CACNA1C: variants seen among roughly 807,000 people sequenced by gnomAD.
CACNA1C encodes calcium voltage-gated channel subunit alpha1 C.
In CACNA1C, 30 loss-of-function variants were observed where a neutral mutation model predicts 229.0. The ratio of observed to expected loss-of-function variants is 0.13; its 90% CI spans 0.10 to 0.18. The LOEUF is 0.18. Ranked by LOEUF, CACNA1C falls within the 10% of genes least tolerant of loss-of-function variation. The probability of loss-of-function intolerance (pLI) is 1.00; values close to 1 mark genes in which losing one functional copy is unlikely to be tolerated. For synonymous variants in CACNA1C, 1,114 were observed against 1,132.5 expected, an observed-to-expected ratio of 0.98 and a Z score of 0.33; for missense variants, 1,658 against 2,845.0, an observed-to-expected ratio of 0.58 and a Z score of 9.49.
At chr12:2,036,622 C>T (rs56088348) in intron 1 of CACNA1C, among the ~76,000 whole-genome samples, 129 of 152,216 alleles carry the variant, frequency 8.5e-4, no homozygotes, top group African/African-American at 2.9e-3. Context: ...TGCGCCACCA[C>T]GCCCGGCTAA....
chr12:2,298,366 T>A (rs1288597259), intron 3 of CACNA1C, among the ~76,000 whole-genome samples: 1 of 151,988 alleles, frequency 6.6e-6, no homozygotes, highest in East Asian at 1.9e-4. Context: ...TGGCACAATC[T>A]CGGCTCACCG....
intron 1 of CACNA1C, among the ~76,000 whole-genome samples, chr12:2,002,514 G>T (rs1302124977): frequency 6.6e-6 from 1 of 152,204 alleles, no homozygotes; most frequent in African/African-American, 2.4e-5. Flanking sequence ...TGACACATCT[G>T]CTTTTTGATG....
intron 1 of CACNA1C, among the ~76,000 whole-genome samples, chr12:1,988,460 G>A (rs893584895): frequency 6.6e-6 from 1 of 152,212 alleles, no homozygotes; most frequent in Admixed American, 6.5e-5. Context: ...CCATTCTGCA[G>A]GGTGGGTCAA....
At chr12:2,645,197 A>C (rs1359326802) in intron 30 of CACNA1C, among the ~76,000 whole-genome samples, 3 of 152,216 alleles carry the variant, frequency 2.0e-5, no homozygotes, top group African/African-American at 7.2e-5. Context: ...AGGTTATGTA[A>C]GCAGCTCTGT....
At chr12:2,480,742 T>A (rs1453500010) in intron 5 of CACNA1C, among the ~76,000 whole-genome samples, 1 of 152,244 alleles carries the variant, frequency 6.6e-6, no homozygotes, top group African/African-American at 2.4e-5. Context: ...TGTCTTCTGA[T>A]GAATTCTGTC....
At chr12:2,177,598 T>C (rs1177415883) in intron 3 of CACNA1C, among the ~76,000 whole-genome samples, 864 of 84,000 alleles carry the variant, frequency 0.01, 21 homozygotes, top group Admixed American at 0.05. Context: ...CCTTCCTTCC[T>C]TCCTTCCTTC....
chr12:2,119,047 C>T (rs533410748), intron 2 of CACNA1C, among the ~76,000 whole-genome samples: 1 of 152,354 alleles, frequency 6.6e-6, no homozygotes, highest in Admixed American at 6.5e-5. Context: ...CTTAACACGT[C>T]AGAAGGCCGT....
intron 9 of CACNA1C, among the ~76,000 whole-genome samples, chr12:2,548,041 G>C (rs2099884989): frequency 6.6e-6 from 1 of 152,156 alleles, no homozygotes; most frequent in Non-Finnish European, 1.5e-5. Context: ...GATGTCTGGA[G>C]GGTAGAGAGC....
chr12:2,553,226 G>A (rs1278177175), intron 10 of CACNA1C, among the ~76,000 whole-genome samples: 1 of 152,202 alleles, frequency 6.6e-6, no homozygotes, highest in Admixed American at 6.5e-5. Flanking sequence ...CTCTGCAGAG[G>A]CTGGGGTGGG....
chr12:1,993,749 A>T (rs559893600), intron 1 of CACNA1C, among the ~76,000 whole-genome samples: 1 of 152,300 alleles, frequency 6.6e-6, no homozygotes, highest in African/African-American at 2.4e-5. Flanking sequence ...TTTAAAGAAT[A>T]CTTTTTAAAA....
rs189694864 is a variant in CACNA1C at position 2,214,007 on chromosome 12, G to A, written c.477+93577G>A. ...GAGGAGATTTGTGGCTGGAACTGGC[G>A]CTCACATTGGGGAGGGAAGACCTGC... On this transcript the variant is annotated intron_variant, in intron 3 of 46. Coordinates refer to ENST00000399655, the MANE Select transcript of CACNA1C (RefSeq NM_000719.7). Among the ~76,000 whole-genome samples the A allele has an allele frequency of 2.5e-4, 38 of 152,338 alleles. No individual in the cohort carries two copies. In the East Asian group the frequency reaches 4.6e-3, roughly 19 times the overall value.
chr12:2,087,158 A>G (rs560285756), intron 1 of CACNA1C, among the ~76,000 whole-genome samples: 1 of 151,930 alleles, frequency 6.6e-6, no homozygotes, highest in South Asian at 2.1e-4. Flanking sequence ...GGCCTGTCTG[A>G]TCTTGACTCC....
chr12:2,546,387 T>C (rs1455795600), intron 9 of CACNA1C, among the ~76,000 whole-genome samples: 5 of 151,910 alleles, frequency 3.3e-5, no homozygotes, highest in African/African-American at 9.7e-5. Context: ...TCCTGTGCAG[T>C]TGCTGGTGTC....
intron 1 of CACNA1C, among the ~76,000 whole-genome samples, chr12:1,996,632 A>AC (rs2040888508): frequency 4.6e-5 from 5 of 108,896 alleles, no homozygotes; most frequent in African/African-American, 1.2e-4. Context: ...AAAAAAAAAA[A>AC]AAAAAAAAAA....
chr12:2,360,119 G>A (rs2097514707), intron 3 of CACNA1C, among the ~76,000 whole-genome samples: 1 of 151,010 alleles, frequency 6.6e-6, no homozygotes, highest in African/African-American at 2.4e-5. Flanking sequence ...GGAAAGTCCA[G>A]GTGTCTGTAT....
intron 9 of CACNA1C, among the ~76,000 whole-genome samples, chr12:2,520,796 C>T (rs1224468065): frequency 1.3e-5 from 2 of 149,714 alleles, no homozygotes; most frequent in East Asian, 4.0e-4. Flanking sequence ...GAAGCCATGA[C>T]AGTCTTCTCA....
chr12:2,010,552 A>G (rs2044228034), intron 1 of CACNA1C, among the ~76,000 whole-genome samples: 1 of 152,074 alleles, frequency 6.6e-6, no homozygotes, highest in Non-Finnish European at 1.5e-5. Context: ...TGGAGAGATC[A>G]CTCTTGAATT....
chr12:2,494,120 C>T (rs1334778060), intron 7 of CACNA1C, among the ~76,000 whole-genome samples: 1 of 152,094 alleles, frequency 6.6e-6, no homozygotes, highest in Non-Finnish European at 1.5e-5. Flanking sequence ...CCCATCCACC[C>T]GTCATCTATT....
intron 5 of CACNA1C, among the ~76,000 whole-genome samples, chr12:2,458,521 C>A (rs1202575602): frequency 2.0e-5 from 3 of 152,220 alleles, no homozygotes; most frequent in Non-Finnish European, 2.9e-5. Context: ...TTTGTGGTAT[C>A]TGAGAACAAT....
Sources: allele counts gnomAD v4.1 joint callset (sites outside exome capture counted in the v4.1 genomes callset), GRCh38; gene constraint gnomAD v4.1.1; transcripts MANE v1.5; gene names NCBI Gene and HGNC (gene_info 2026-07-23, HGNC 2026-07-21).